TMEM50B: variants seen among roughly 807,000 people sequenced by gnomAD.
The protein encoded by TMEM50B is HCV p7-trans-regulated protein 3.
TMEM50B carries 14 observed loss-of-function variants against 23.4 expected under a neutral mutation model. That is an observed-to-expected ratio of 0.60 (90% confidence interval 0.39 to 0.93). The LOEUF is 0.93. Ranked by LOEUF, TMEM50B falls within the 40% of genes least tolerant of loss-of-function variation. TMEM50B has a pLI of 0.00. For synonymous variants in TMEM50B, 64 were observed against 62.3 expected (o/e 1.03, Z -0.13); for missense variants, 159 against 193.0 (o/e 0.82, Z 1.04).
downstream of TMEM50B, among the ~76,000 whole-genome samples, chr21:33,446,346 C>T (rs541177387): frequency 6.6e-6 from 1 of 151,322 alleles, no homozygotes; most frequent in African/African-American, 2.4e-5. Flanking sequence ...AAGCAATTCT[C>T]CTGCCTCAGC....
chr21:33,455,758 C>G lies in TMEM50B; in HGVS notation c.400G>C (p.Val134Leu). The G allele has an allele frequency of 6.2e-7, 1 of 1,613,930 alleles. No individual in the cohort carries two copies. Among genetic ancestry groups the G allele is most frequent in the Non-Finnish European group, 8.5e-7 (1 of 1,179,916 alleles). ...AATATAAGTGCATTTTGAAAAAACA[C>G]AGCTAGTCCCGGATAAACATCAGTA... ...QNTDVYPGLA[V>L]FFQNALIFFS... Residue 134 changes from valine (V) to leucine (L), a missense_variant, in exon 6 of 7, where the codon GTG becomes CTG. By Grantham distance (32) the Val-to-Leu change is conservative. Coordinates refer to ENST00000542230, the MANE Select transcript of TMEM50B (RefSeq NM_006134.7).
chr21:33,446,670 A>AC (rs1568973038), downstream of TMEM50B, among the ~76,000 whole-genome samples: 39 of 148,882 alleles, frequency 2.6e-4, 1 homozygote, highest in African/African-American at 9.4e-4. Flanking sequence ...AAAAAAAAAA[A>AC]AAAAAAAACC....
chr21:33,438,662 G>A (rs1420195581), intron 8 of TMEM50B, among the ~76,000 whole-genome samples: 2 of 152,028 alleles, frequency 1.3e-5, no homozygotes, highest in African/African-American at 2.4e-5. Flanking sequence ...GCTGAGTGTG[G>A]TGGCAGGCAC....
intron 3 of TMEM50B, 115 bp downstream of exon 3, chr21:33,466,895 T>C: frequency 6.8e-6 from 5 of 740,714 alleles, no homozygotes; most frequent in East Asian, 2.7e-5. Flanking sequence ...GTATGTATCA[T>C]GTTAAAAAAT....
At chr21:33,476,779 A>AC (rs1491344201) in intron 1 of TMEM50B, among the ~76,000 whole-genome samples, 21 of 150,986 alleles carry the variant, frequency 1.4e-4, no homozygotes, top group Non-Finnish European at 2.8e-4. Context: ...AAAAAAAAAA[A>AC]CAACTTTAAG....
chr21:33,476,688 G>A (rs2843722), intron 1 of TMEM50B, among the ~76,000 whole-genome samples: 86,008 of 147,436 alleles, frequency 0.58, 27,080 homozygotes, highest in East Asian at 0.83. Context: ...GTGAACCCGG[G>A]AGGTGGAGCT....
intron 4 of TMEM50B, 64 bp from the exon 5 acceptor site, chr21:33,460,569 CATA>C (rs1947104591): frequency 7.7e-6 from 7 of 914,608 alleles, no homozygotes; most frequent in South Asian, 6.5e-5. Context: ...CTTAGGAATA[CATA>C]ATACTAGGAG....
downstream of TMEM50B, among the ~76,000 whole-genome samples, chr21:33,444,286 G>A (rs1362451845): frequency 2.6e-5 from 4 of 152,118 alleles, no homozygotes; most frequent in Middle Eastern, 3.2e-3. Context: ...AGTGGCTCAC[G>A]CCTGTAATCC....
At chr21:33,432,932 C>A in intron 8 of TMEM50B, 1 of 1,392,034 alleles carries the variant, frequency 7.2e-7, no homozygotes, top group Non-Finnish European at 1.0e-6. Context: ...GTTGCCCAGG[C>A]GGGAGTGTCA....
chr21:33,436,381 T>C lies in TMEM50B; in HGVS notation c.*2120+2833A>G, dbSNP rs367998938. 3.3e-5 allele frequency among the ~76,000 whole-genome samples: 5 copies of C among 152,096 alleles called. No individual in the cohort carries two copies. The South Asian group carries it at 1.0e-3, about 32-fold the overall frequency. On this transcript the variant is annotated intron_variant and NMD_transcript_variant, in intron 8 of 8. Coordinates refer to the TMEM50B transcript ENST00000420455. ...ATAAAAAGAAAAATAAGTTATGTCA[T>C]TGGTGGACAGAATCAACTTATATCT...
chr21:33,444,113 C>G (rs1189178212), intron 7 of TMEM50B, among the ~76,000 whole-genome samples: 1 of 152,166 alleles, frequency 6.6e-6, no homozygotes, highest in Non-Finnish European at 1.5e-5. Flanking sequence ...GTTGGCCAAG[C>G]TGGTCTTGAA....
At chr21:33,473,311 G>A (rs2084335069) in intron 1 of TMEM50B, among the ~76,000 whole-genome samples, 1 of 151,922 alleles carries the variant, frequency 6.6e-6, no homozygotes, top group South Asian at 2.1e-4. Context: ...AAATTATCTG[G>A]GCATGGTGGC....
At chr21:33,473,675 A>C (rs2084340284) in intron 1 of TMEM50B, among the ~76,000 whole-genome samples, 1 of 151,876 alleles carries the variant, frequency 6.6e-6, no homozygotes, top group Admixed American at 6.6e-5. Context: ...AAAAACAAGA[A>C]GGTGACAGCA....
At chr21:33,467,901 G>A (rs888149753) in intron 2 of TMEM50B, among the ~76,000 whole-genome samples, 1 of 152,160 alleles carries the variant, frequency 6.6e-6, no homozygotes, top group South Asian at 2.1e-4. Context: ...AAAATGCTGT[G>A]GGAGCCAGGA....
At chr21:33,462,483 G>A in intron 4 of TMEM50B, among the ~76,000 whole-genome samples, 1 of 152,044 alleles carries the variant, frequency 6.6e-6, no homozygotes, top group East Asian at 1.9e-4. Context: ...AAAAACTTTG[G>A]ATAAGTTACA....
intron 3 of TMEM50B, among the ~76,000 whole-genome samples, chr21:33,466,776 T>C (rs573793830): frequency 4.8e-4 from 46 of 95,076 alleles, no homozygotes; most frequent in Non-Finnish European, 7.7e-4. Context: ...TTTAAAAATA[T>C]GAGGAAAAAA....
intron 1 of TMEM50B, among the ~76,000 whole-genome samples, chr21:33,478,619 G>A (rs2084396270): frequency 6.6e-6 from 1 of 152,178 alleles, no homozygotes; most frequent in Non-Finnish European, 1.5e-5. Context: ...TGAGTGGGAA[G>A]GCTGTGTCTC....
At chr21:33,460,569 C>T (rs974670097) in intron 4 of TMEM50B, 64 bp from the exon 5 acceptor site, 54 of 914,608 alleles carry the variant, frequency 5.9e-5, no homozygotes, top group Admixed American at 4.8e-4. Flanking sequence ...CTTAGGAATA[C>T]ATAATACTAG....
chr21:33,464,199 T>TA (rs1287180789), intron 4 of TMEM50B, among the ~76,000 whole-genome samples: 2 of 39,952 alleles, frequency 5.0e-5, no homozygotes, highest in African/African-American at 8.6e-5. Flanking sequence ...ATAATGTAAA[T>TA]TTTTTTTTTT....
Sources: allele counts gnomAD v4.1 joint callset (sites outside exome capture counted in the v4.1 genomes callset), GRCh38; gene constraint gnomAD v4.1.1; transcripts MANE v1.5; gene names NCBI Gene and HGNC (gene_info 2026-07-23, HGNC 2026-07-21).